Variants in SLC25A26 observed in about 807,000 individuals in gnomAD.
SLC25A26 encodes solute carrier family 25 member 26, also known as mitochondrial S-adenosylmethionine carrier protein.
SLC25A26 carries 36 observed loss-of-function variants against 37.8 expected under a neutral mutation model. The ratio of observed to expected loss-of-function variants is 0.95; its 90% CI spans 0.73 to 1.26. The LOEUF (loss-of-function observed/expected upper bound fraction) is 1.26, where lower values mean the gene tolerates loss of function less well. Among genes scored for constraint, SLC25A26 ranks in the 50% most tolerant of loss-of-function variants. The pLI, the probability that SLC25A26 is intolerant of heterozygous loss-of-function variation, is 0.00. For synonymous variants in SLC25A26, 129 were observed against 122.5 expected, an observed-to-expected ratio of 1.05 and a Z score of -0.35; for missense variants, 390 against 331.1, an observed-to-expected ratio of 1.18 and a Z score of -1.38.
At chr3:66,288,493 C>T (rs1406257401) in intron 5 of SLC25A26, among the ~76,000 whole-genome samples, 1 of 152,006 alleles carries the variant, frequency 6.6e-6, no homozygotes, top group Admixed American at 6.5e-5. Context: ...TACCCCTCGA[C>T]AGGCCCCAGT....
At chr3:66,190,581 C>A (rs1203279522) in intron 1 of SLC25A26, among the ~76,000 whole-genome samples, 2 of 152,044 alleles carry the variant, frequency 1.3e-5, no homozygotes, top group East Asian at 3.9e-4. Context: ...GGTGTGCACA[C>A]CCGCACCTGG....
At chr3:66,338,877 A>G (rs1194601260) in intron 5 of SLC25A26, among the ~76,000 whole-genome samples, 1 of 151,948 alleles carries the variant, frequency 6.6e-6, no homozygotes, top group East Asian at 1.9e-4. Context: ...GTGTTTTCAG[A>G]GTTTATCCAT....
At chr3:66,319,735 C>T (rs2075640579) in intron 5 of SLC25A26, among the ~76,000 whole-genome samples, 1 of 138,794 alleles carries the variant, frequency 7.2e-6, no homozygotes, top group Admixed American at 7.4e-5. Flanking sequence ...ACTGTGACAG[C>T]AATTAAATCT....
intron 5 of SLC25A26, among the ~76,000 whole-genome samples, chr3:66,271,675 C>T (rs536674508): frequency 2.4e-4 from 37 of 152,200 alleles, no homozygotes; most frequent in African/African-American, 7.5e-4. Context: ...TACTGAGTCA[C>T]CCCATAGGAT....
intron 3 of SLC25A26, among the ~76,000 whole-genome samples, chr3:66,260,515 C>G (rs764615317): frequency 4.6e-5 from 7 of 152,222 alleles, no homozygotes; most frequent in Non-Finnish European, 1.0e-4. Flanking sequence ...CCTTTGTTAA[C>G]ATAACCATAC....
chr3:66,292,924 A>G (rs1378795155), intron 5 of SLC25A26, among the ~76,000 whole-genome samples: 1 of 152,160 alleles, frequency 6.6e-6, no homozygotes, highest in Non-Finnish European at 1.5e-5. Flanking sequence ...AGGTGTGCCA[A>G]TCAAACGTAG....
At chr3:66,267,789 C>G (rs1473881020) in intron 5 of SLC25A26, among the ~76,000 whole-genome samples, 1 of 152,188 alleles carries the variant, frequency 6.6e-6, no homozygotes, top group East Asian at 1.9e-4. Flanking sequence ...CAAAAATCAT[C>G]ACTCTTAGTA....
intron 1 of SLC25A26, among the ~76,000 whole-genome samples, chr3:66,204,297 T>G (rs1408740797): frequency 2.0e-4 from 30 of 150,494 alleles, no homozygotes; most frequent in Non-Finnish European, 3.8e-4. Context: ...GTAGTGGCGG[T>G]CGCCTGTAGT....
chr3:66,346,449 TAACA>T, intron 6 of SLC25A26, 41 bp downstream of exon 6: 1 of 1,078,496 alleles, frequency 9.3e-7, no homozygotes, highest in Non-Finnish European at 1.3e-6. Context: ...TCTCTAATTA[TAACA>T]TACCTAATAG....
At chr3:66,284,101 C>T (rs1288076649) in intron 5 of SLC25A26, among the ~76,000 whole-genome samples, 1 of 152,188 alleles carries the variant, frequency 6.6e-6, no homozygotes, top group Non-Finnish European at 1.5e-5. Flanking sequence ...TATCCCAGCA[C>T]TTTGGGAGGC....
At chr3:66,231,388 T>G (rs1390435011) in intron 1 of SLC25A26, among the ~76,000 whole-genome samples, 1 of 152,104 alleles carries the variant, frequency 6.6e-6, no homozygotes, top group African/African-American at 2.4e-5. Flanking sequence ...AGGGGAAGCA[T>G]GAATTTTGAA....
At position 66,236,540 on chromosome 3, in the gene SLC25A26, A is replaced by G. The variant is rs1483149274; in HGVS notation, c.34-4A>G. On this transcript the variant is annotated splice_polypyrimidine_tract_variant and splice_region_variant and intron_variant, in intron 1 of 9. Coordinates refer to ENST00000354883, the MANE Select transcript of SLC25A26 (RefSeq NM_001379210.1). Reference sequence around the variant, plus strand: ...TCTTTTTCTTCCCTCTTTTTTTTTCAAAGGCTGGTGGGGTAGCAGGTGTTT... The same window carrying G: ...TCTTTTTCTTCCCTCTTTTTTTTTCGAAGGCTGGTGGGGTAGCAGGTGTTT... The G allele has an allele frequency of 1.6e-5, 23 of 1,403,404 alleles. No individual in the cohort carries two copies. The highest frequency in any genetic ancestry group is 2.1e-5 in the Non-Finnish European group (23 of 1,072,608). 86.9% of individuals were successfully genotyped at this position (1,403,404 alleles called of 1,614,324 possible). A position where few individuals can be genotyped will look rare whatever the true frequency, so the allele number is the denominator to read the frequency against.
chr3:66,312,087 C>CCCA (rs2075395096), intron 5 of SLC25A26, among the ~76,000 whole-genome samples: 1 of 152,186 alleles, frequency 6.6e-6, no homozygotes, highest in South Asian at 2.1e-4. Flanking sequence ...TGAAGCTGTG[C>CCCA]CCACAGCTGC....
In SLC25A26 at chr3:66,170,865, G is replaced by A. The variant is rs930784561; in HGVS notation, c.-354+36881G>A. ...GTCGCCCAGGCTGGAGTGCAGTGGC[G>A]GGATCTCGGCTCACTGCAAGCTCCG... On this transcript the variant is annotated intron_variant, in intron 1 of 10. Coordinates refer to the SLC25A26 transcript ENST00000676754. Among the ~76,000 whole-genome samples, 75 of 143,962 alleles carry A rather than the reference G, an allele frequency of 5.2e-4. No individual in the cohort carries two copies. In the East Asian group the frequency reaches 0.013, roughly 25 times the overall value. 94.4% of individuals were successfully genotyped at this position (143,962 alleles called of 152,430 possible).
At chr3:66,206,421 A>C (rs939810268) in intron 1 of SLC25A26, among the ~76,000 whole-genome samples, 1 of 152,188 alleles carries the variant, frequency 6.6e-6, no homozygotes, top group Admixed American at 6.5e-5. Context: ...TGCCAAGTAC[A>C]TAGACTGTAT....
At chr3:66,243,348 A>G (rs1433201943) in intron 3 of SLC25A26, 36 bp downstream of exon 3, 2 of 988,746 alleles carry the variant, frequency 2.0e-6, no homozygotes, top group East Asian at 4.8e-5. Flanking sequence ...ATACTTCAGA[A>G]ATGCACATCA....
chr3:66,215,467 CTG>C (rs1329744378), intron 1 of SLC25A26, among the ~76,000 whole-genome samples: 2 of 152,154 alleles, frequency 1.3e-5, no homozygotes, highest in Non-Finnish European at 2.9e-5. Context: ...TCACACAGTT[CTG>C]TGATTCAGTA....
chr3:66,284,075 G>A (rs1272164296), intron 5 of SLC25A26, among the ~76,000 whole-genome samples: 1 of 152,174 alleles, frequency 6.6e-6, no homozygotes, highest in East Asian at 1.9e-4. Context: ...GACTGGGCAT[G>A]GTGGCTCATG....
intron 9 of SLC25A26, among the ~76,000 whole-genome samples, chr3:66,373,783 A>T (rs1048770725): frequency 3.3e-5 from 5 of 151,374 alleles, no homozygotes; most frequent in African/African-American, 9.7e-5. Context: ...TATTGTAATG[A>T]TTTAAACCCA....
Sources: gnomAD v4.1 joint callset for allele counts (sites outside exome capture counted in the v4.1 genomes callset) on GRCh38, gnomAD v4.1.1 for gene constraint, MANE v1.5 for transcripts, NCBI Gene and HGNC (gene_info 2026-07-23, HGNC 2026-07-21) for gene names.